Variants in ZMYM4 observed in about 807,000 individuals in gnomAD.
ZMYM4 encodes the protein zinc finger MYM-type protein 4.
Under a neutral mutation model 183.2 loss-of-function variants are expected in ZMYM4, and 31 were observed. The ratio of observed to expected loss-of-function variants is 0.17; its 90% confidence interval spans 0.13 to 0.23. ZMYM4 has a LOEUF of 0.23. Among genes scored for constraint, ZMYM4 ranks in the 10% least tolerant of loss-of-function variants. ZMYM4 has a pLI of 1.00. For missense variants in ZMYM4, 1,273 were observed against 1,840.3 expected (o/e 0.69, Z 5.64); for synonymous variants, 592 against 631.2 (o/e 0.94, Z 0.93).
chr1:35,294,004 A>G lies in ZMYM4; in HGVS notation c.39+24919A>G, dbSNP rs1388443123. Among the ~76,000 whole-genome samples the G allele has an allele frequency of 2.1e-4, 32 of 152,074 alleles. 1 individual carries two copies. Among genetic ancestry groups the G allele is most frequent in the Admixed American group, 2.0e-4 (3 of 15,256 alleles). ...CAAAAAATTAGCTGGGCGTGGTGGCACGCGCCTGCAGTCCCAGCTACTTGG... is the reference window on the plus strand; with the variant it reads ...CAAAAAATTAGCTGGGCGTGGTGGCGCGCGCCTGCAGTCCCAGCTACTTGG... On this transcript the variant is annotated intron_variant, in intron 1 of 29. Transcript: ENST00000314607.
At chr1:35,399,620 C>T in intron 23 of ZMYM4, 44 bp downstream of exon 23, 1 of 1,598,702 alleles carries the variant, frequency 6.3e-7, no homozygotes, top group Non-Finnish European at 8.6e-7. Context: ...TTCCTTCATT[C>T]TACAAGCATT....
intron 2 of ZMYM4, among the ~76,000 whole-genome samples, chr1:35,326,374 TGTA>T (rs1340465053): frequency 1.3e-5 from 2 of 152,284 alleles, no homozygotes; most frequent in East Asian, 3.9e-4. Flanking sequence ...TGATGGTGCT[TGTA>T]GTGGTGGTTG....
At position 35,359,105 on chromosome 1, in the gene ZMYM4, A is replaced by G. The variant is rs144524951; in HGVS notation, c.266A>G (p.Asn89Ser). 56 of 1,613,690 alleles carry G rather than the reference A, an allele frequency of 3.5e-5. No individual in the cohort carries two copies. Among genetic ancestry groups the G allele is most frequent in the East Asian group, 2.7e-4 (12 of 44,868 alleles). The change falls in exon 3 of 30, where the codon AAT (asparagine) becomes AGT (serine). Residue 89 changes from asparagine (N) to serine (S), a missense_variant. Coordinates refer to ENST00000314607, the MANE Select transcript of ZMYM4 (RefSeq NM_005095.3). ...LAGIPVVGSD[N>S]EDEQDFSSKD... ...GGAATTCCAGTCGTTGGTAGTGACA[A>G]TGAGGATGAACAGGATTTTAGTTCA... is the stretch of plus-strand genomic sequence containing the variant.
At chr1:35,373,385 T>TC (rs1644258585) in intron 7 of ZMYM4, among the ~76,000 whole-genome samples, 1 of 149,462 alleles carries the variant, frequency 6.7e-6, no homozygotes, top group African/African-American at 2.5e-5. Flanking sequence ...TTTTTCTTTT[T>TC]TTTTTTTGAG....
intron 2 of ZMYM4, among the ~76,000 whole-genome samples, chr1:35,341,471 TA>T (rs1337325754): frequency 1.3e-4 from 20 of 152,100 alleles, no homozygotes; most frequent in African/African-American, 4.6e-4. Flanking sequence ...CTTTTTCTTG[TA>T]TCAGTTGTTC....
In ZMYM4 at chr1:35,387,451, C is replaced by T; in HGVS notation, c.2113-3C>T. The stretch of plus-strand genomic sequence containing the variant: ...TTAGTACTTAATGATTATTTCTTTG[C>T]AGGGCAAAATGTTTCAGTTCTGTGG... On this transcript the variant is annotated splice_polypyrimidine_tract_variant and splice_region_variant and intron_variant, in intron 12 of 29. Coordinates refer to ENST00000314607, the MANE Select transcript of ZMYM4 (RefSeq NM_005095.3). 6.3e-7 allele frequency: 1 copy of T among 1,599,974 alleles called. No individual in the cohort carries two copies. Among genetic ancestry groups the T allele is most frequent in the Non-Finnish European group, 8.5e-7 (1 of 1,175,158 alleles).
At chr1:35,322,870 T>C (rs1473223851) in intron 1 of ZMYM4, among the ~76,000 whole-genome samples, 1 of 150,870 alleles carries the variant, frequency 6.6e-6, no homozygotes, top group East Asian at 2.0e-4. Context: ...TTTTGTATCT[T>C]TAATAGAGAT....
At chr1:35,373,562 T>G (rs1644264611) in intron 7 of ZMYM4, among the ~76,000 whole-genome samples, 1 of 144,216 alleles carries the variant, frequency 6.9e-6, no homozygotes, top group Non-Finnish European at 1.5e-5. Flanking sequence ...TTTTTTTTTT[T>G]TTTTGTATTT....
intron 2 of ZMYM4, among the ~76,000 whole-genome samples, chr1:35,358,483 CTATT>C: frequency 6.6e-6 from 1 of 152,206 alleles, no homozygotes; most frequent in East Asian, 1.9e-4. Flanking sequence ...ATATTCCCTT[CTATT>C]TGTCAGTCAT....
chr1:35,310,775 AC>A (rs1641758646), intron 1 of ZMYM4, among the ~76,000 whole-genome samples: 4 of 151,970 alleles, frequency 2.6e-5, no homozygotes, highest in Admixed American at 2.6e-4. Flanking sequence ...ACAAGGTTTT[AC>A]CATGTTGGCC....
intron 1 of ZMYM4, among the ~76,000 whole-genome samples, chr1:35,310,091 G>T (rs1441412459): frequency 6.6e-6 from 1 of 151,796 alleles, no homozygotes; most frequent in Non-Finnish European, 1.5e-5. Flanking sequence ...CACCATGCCC[G>T]GCTAATGTTT....
intron 2 of ZMYM4, chr1:35,350,991 C>T: frequency 1.2e-6 from 1 of 834,308 alleles, no homozygotes; most frequent in Non-Finnish European, 1.9e-6. Flanking sequence ...GAAGGTTGGC[C>T]TGACAAATTA....
intron 2 of ZMYM4, among the ~76,000 whole-genome samples, chr1:35,351,883 T>C (rs559064748): frequency 6.6e-6 from 1 of 152,324 alleles, no homozygotes; most frequent in South Asian, 2.1e-4. Flanking sequence ...TACCTCGAAG[T>C]ATGAAATTTG....
At chr1:35,298,891 C>T (rs1225730532) in intron 1 of ZMYM4, among the ~76,000 whole-genome samples, 3 of 152,136 alleles carry the variant, frequency 2.0e-5, no homozygotes, top group Non-Finnish European at 4.4e-5. Context: ...ATACTCTTTA[C>T]TTAGGGTAGA....
intron 1 of ZMYM4, among the ~76,000 whole-genome samples, chr1:35,300,457 C>G (rs1024135951): frequency 6.6e-6 from 1 of 152,162 alleles, no homozygotes; most frequent in African/African-American, 2.4e-5. Context: ...TGTGAGTATA[C>G]AGTTTTCATA....
chr1:35,414,739 G>A (rs1467927902), intron 27 of ZMYM4, among the ~76,000 whole-genome samples: 1 of 152,082 alleles, frequency 6.6e-6, no homozygotes, highest in East Asian at 1.9e-4. Context: ...ATTTCATCAT[G>A]TGAAAATTAT....
intron 18 of ZMYM4, 85 bp downstream of exon 18, chr1:35,393,824 C>T: frequency 7.1e-7 from 1 of 1,412,408 alleles, no homozygotes; most frequent in African/African-American, 1.5e-5. Context: ...CTGCTATTTC[C>T]TAGGTGATGT....
In ZMYM4 at chr1:35,386,182, C is replaced by G. The variant is rs1644571676; in HGVS notation, c.1829C>G (p.Ala610Gly). The change falls in exon 11 of 30, where the codon GCT becomes GGT. Residue 610 changes from alanine (A) to glycine (G), a missense_variant. Transcript: ENST00000314607. ...RNFCSYSCVV[A>G]FQNLFNKPTG... is the part of the protein sequence containing the mutation. ...TTCTGCAGCTACAGCTGTGTGGTAG[C>G]TTTCCAGGTATGGCTTCAGGAACCT... 2.5e-6 allele frequency: 4 copies of G among 1,612,496 alleles called. No individual in the cohort carries two copies. The highest frequency in any genetic ancestry group is 2.2e-5 in the South Asian group (2 of 90,812).
At chr1:35,386,979 C>G in intron 11 of ZMYM4, 24 bp from the exon 12 acceptor site, 3 of 1,604,630 alleles carry the variant, frequency 1.9e-6, no homozygotes, top group East Asian at 2.2e-5. Context: ...TAAATTGATA[C>G]TTTTTGTTGT....
Sources: gnomAD v4.1 joint callset for allele counts (sites outside exome capture counted in the v4.1 genomes callset) on GRCh38, gnomAD v4.1.1 for gene constraint, MANE v1.5 for transcripts, NCBI Gene and HGNC (gene_info 2026-07-23, HGNC 2026-07-21) for gene names.